NR3C1: variants seen among roughly 807,000 people sequenced by gnomAD.
NR3C1 encodes the protein nuclear receptor subfamily 3 group C member 1.
NR3C1 carries 14 observed loss-of-function variants against 74.0 expected under a neutral mutation model. That is an observed-to-expected ratio of 0.19 (90% CI 0.12 to 0.30). The LOEUF is 0.30. Ranked by LOEUF, NR3C1 falls within the 10% of genes least tolerant of loss-of-function variation. The pLI is 1.00. For missense variants in NR3C1, 695 were observed against 909.8 expected (o/e 0.76, Z 3.04); for synonymous variants, 308 against 332.5 (o/e 0.93, Z 0.80).
chr5:143,419,138 T>G (rs1235969870), intron 1 of NR3C1, among the ~76,000 whole-genome samples: 1 of 152,166 alleles, frequency 6.6e-6, no homozygotes, highest in Non-Finnish European at 1.5e-5. Flanking sequence ...CCTGTATGTA[T>G]TCTGCAAATA....
At chr5:143,296,005 CCT>C (rs1817085534) in intron 6 of NR3C1, among the ~76,000 whole-genome samples, 1 of 152,138 alleles carries the variant, frequency 6.6e-6, no homozygotes, top group African/African-American at 2.4e-5. Flanking sequence ...AGCAGTCCAT[CCT>C]AAAGACAAAA....
chr5:143,309,379 G>C (rs901482547), intron 4 of NR3C1, among the ~76,000 whole-genome samples: 5 of 152,144 alleles, frequency 3.3e-5, no homozygotes, highest in African/African-American at 1.2e-4. Context: ...TCACTGTTGT[G>C]TGCATTCAGG....
intron 7 of NR3C1, among the ~76,000 whole-genome samples, chr5:143,283,093 T>C (rs750867232): frequency 3.3e-5 from 5 of 152,122 alleles, no homozygotes; most frequent in Non-Finnish European, 7.4e-5. Context: ...AGGCTGGTCT[T>C]AAACTCCTGG....
chr5:143,412,196 A>G (rs1333543551), intron 1 of NR3C1, among the ~76,000 whole-genome samples: 1 of 143,314 alleles, frequency 7.0e-6, no homozygotes, highest in Non-Finnish European at 1.5e-5. Flanking sequence ...TTCAAGGTAA[A>G]TATCTTTATA....
At position 143,380,678 on chromosome 5, in the gene NR3C1, A is replaced by G. The variant is rs532161412; in HGVS notation, c.1184+18978T>C. On this transcript the variant is annotated intron_variant, in intron 2 of 8. Coordinates refer to ENST00000394464, the MANE Select transcript of NR3C1 (RefSeq NM_000176.3). ...TTATAGGGCAGGGGGGTGGGAGAAG[A>G]GAGCCAAATAGGAAGCATATGCATC... Among the ~76,000 whole-genome samples the G allele has an allele frequency of 9.7e-4, 147 of 152,196 alleles. No homozygotes were observed. The Middle Eastern group carries it at 0.014, about 14-fold the overall frequency.
chr5:143,376,963 A>G (rs1234785880), intron 2 of NR3C1, among the ~76,000 whole-genome samples: 1 of 152,154 alleles, frequency 6.6e-6, no homozygotes, highest in Non-Finnish European at 1.5e-5. Flanking sequence ...GGAGAGACAG[A>G]TAGGACTGGT....
intron 2 of NR3C1, chr5:143,332,563 T>C: frequency 2.3e-6 from 2 of 862,380 alleles, no homozygotes; most frequent in Non-Finnish European, 3.6e-6. Flanking sequence ...AAATAAAAAT[T>C]ATAATTAAAA....
intron 8 of NR3C1, 72 bp from the exon 9 acceptor site, chr5:143,282,113 C>A: frequency 6.5e-7 from 1 of 1,549,428 alleles, no homozygotes; most frequent in Middle Eastern, 1.7e-4. Flanking sequence ...TTGTTGTCCT[C>A]TATTTTGAAA....
intron 2 of NR3C1, among the ~76,000 whole-genome samples, chr5:143,361,430 C>A (rs557485395): frequency 1.3e-5 from 2 of 152,138 alleles, no homozygotes; most frequent in African/African-American, 4.8e-5. Flanking sequence ...ATATAAGTGG[C>A]ATTCAAGGTA....
intron 2 of NR3C1, among the ~76,000 whole-genome samples, chr5:143,341,686 T>C (rs1044825082): frequency 5.3e-5 from 8 of 152,244 alleles, no homozygotes; most frequent in Admixed American, 5.2e-4. Flanking sequence ...TTATTTAATA[T>C]AAACCTGTTC....
rs70991802 is a variant in NR3C1, at chr5:143,306,874, A to ATTTTTTTTTTTTT, written c.1468+3210_1468+3222dup. 6.0e-5 allele frequency among the ~76,000 whole-genome samples: 5 copies of ATTTTTTTTTTTTT among 82,870 alleles called. 1 individual carries two copies. The highest frequency in any genetic ancestry group is 2.6e-4 in the African/African-American group (5 of 19,602). 54.4% of individuals were successfully genotyped at this position (82,870 alleles called of 152,430 possible). ...ACTGCAGCCTAAATTGTATGCTTAA[A>ATTTTTTTTTTTTT]TTTTTTTTTTTTTTTTTTTTTTTTT... On this transcript the variant is annotated intron_variant, in intron 4 of 8. Coordinates refer to ENST00000394464, the MANE Select transcript of NR3C1 (RefSeq NM_000176.3).
chr5:143,363,559 C>T (rs780611637), intron 2 of NR3C1, among the ~76,000 whole-genome samples: 12 of 143,682 alleles, frequency 8.4e-5, no homozygotes, highest in Non-Finnish European at 1.4e-4. Context: ...GGTGACAGAG[C>T]GAGACTCCAT....
intron 2 of NR3C1, among the ~76,000 whole-genome samples, chr5:143,351,617 G>GA (rs551788637): frequency 9.9e-5 from 15 of 151,548 alleles, no homozygotes; most frequent in African/African-American, 1.9e-4. Context: ...GGCTTACAGA[G>GA]AAAAAAAATG....
intron 2 of NR3C1, among the ~76,000 whole-genome samples, chr5:143,369,510 T>C (rs1407950325): frequency 6.6e-6 from 1 of 152,190 alleles, no homozygotes; most frequent in African/African-American, 2.4e-5. Flanking sequence ...AGAATATTAC[T>C]CAGCCATAAA....
In NR3C1 at chr5:143,361,874, A is replaced by G. The variant is rs141093790; in HGVS notation, c.1184+37782T>C. 1.0e-3 allele frequency among the ~76,000 whole-genome samples: 155 copies of G among 152,376 alleles called. 3 individuals carry two copies. The East Asian group carries it at 0.022, about 22-fold the overall frequency. On this transcript the variant is annotated intron_variant, in intron 2 of 8. Coordinates refer to ENST00000394464, the MANE Select transcript of NR3C1 (RefSeq NM_000176.3). The stretch of plus-strand genomic sequence containing the variant: ...CAATGTACAGGAATCATTAGATTCT[A>G]AAGTTTAGATAAATGGTAAAACAGC...
intron 3 of NR3C1, among the ~76,000 whole-genome samples, chr5:143,312,353 A>T (rs1181851953): frequency 6.6e-6 from 1 of 152,136 alleles, no homozygotes; most frequent in African/African-American, 2.4e-5. Context: ...TGCTGCATTG[A>T]TCACATACTC....
chr5:143,302,551 C>G (rs896375529), intron 4 of NR3C1, among the ~76,000 whole-genome samples: 1 of 151,932 alleles, frequency 6.6e-6, no homozygotes, highest in South Asian at 2.1e-4. Context: ...ATGCATATTT[C>G]TTTACTCCAC....
chr5:143,300,408 G>C lies in NR3C1; in HGVS notation c.1747+77C>G. ...ACAAGATAAGCCATGGGCTCACGAT[G>C]ATATAAAAGCCAAAGTGTTTTTGCT... On this transcript the variant is annotated intron_variant, in intron 5 of 8. Transcript: ENST00000394464. The surrounding 1 kb of genome is among the most constrained non-coding windows in gnomAD (Gnocchi z 5.2). The C allele has an allele frequency of 6.4e-7, 1 of 1,570,480 alleles. No homozygotes were observed. Among genetic ancestry groups the C allele is most frequent in the Admixed American group, 1.7e-5 (1 of 59,956 alleles).
At chr5:143,365,988 T>C (rs1833108382) in intron 2 of NR3C1, among the ~76,000 whole-genome samples, 1 of 152,158 alleles carries the variant, frequency 6.6e-6, no homozygotes, top group Non-Finnish European at 1.5e-5. Flanking sequence ...TACCAAATCT[T>C]AAGGGATGCA....
Sources: allele counts gnomAD v4.1 joint callset (sites outside exome capture counted in the v4.1 genomes callset), GRCh38; gene constraint gnomAD v4.1.1; non-coding constraint Gnocchi (gnomAD v3.1); transcripts MANE v1.5; gene names NCBI Gene and HGNC (gene_info 2026-07-23, HGNC 2026-07-21).